The following PDE1C variants were observed in gnomAD, a reference collection of about 807,000 sequenced individuals.
PDE1C encodes dual specificity calcium/calmodulin-dependent 3',5'-cyclic nucleotide phosphodiesterase 1C.
In PDE1C, 62 loss-of-function variants were observed where a neutral mutation model predicts 93.1. The observed-to-expected ratio is 0.67, with a 90% CI of 0.54 to 0.82. The LOEUF (loss-of-function observed/expected upper bound fraction) is 0.82, where lower values mean the gene tolerates loss of function less well. PDE1C is among the 40% of genes least tolerant of loss of function. The pLI, the probability that PDE1C is intolerant of heterozygous loss-of-function variation, is 0.00. For missense variants in PDE1C, 742 were observed against 884.6 expected (o/e 0.84, Z 2.04); for synonymous variants, 325 against 310.1 (o/e 1.05, Z -0.50).
intron 7 of PDE1C, among the ~76,000 whole-genome samples, chr7:31,862,605 G>A (rs574552041): frequency 6.6e-6 from 1 of 152,276 alleles, no homozygotes; most frequent in African/African-American, 2.4e-5. Context: ...AAGAGGGAAG[G>A]GAACTCATTT....
Position 31,873,151 on chromosome 7 carries a change from A to G in PDE1C, c.609+141T>C, listed in dbSNP as rs1265060119. ...CACCCTCCACAGAGGAATTCACAGC[A>G]GTGGCTATCCGAAGGATGCTTCCTC... is the stretch of plus-strand genomic sequence containing the variant. On this transcript the variant is annotated intron_variant, in intron 6 of 17. Transcript: ENST00000396191. 8.3e-6 allele frequency: 5 copies of G among 599,330 alleles called. No homozygotes were observed. In the Admixed American group the frequency reaches 1.6e-4, roughly 19 times the overall value. The allele number at this position is 599,330 out of a possible 1,614,324, so 37.1% of individuals were successfully genotyped here.
chr7:32,068,474 T>A (rs539799618), intron 1 of PDE1C, among the ~76,000 whole-genome samples: 10 of 152,318 alleles, frequency 6.6e-5, no homozygotes, highest in African/African-American at 2.4e-4. Context: ...TAATAGCATC[T>A]CCTTTTCAAA....
At chr7:32,371,643 A>C (rs1390089876) in intron 1 of PDE1C, among the ~76,000 whole-genome samples, 1 of 152,264 alleles carries the variant, frequency 6.6e-6, no homozygotes, top group Non-Finnish European at 1.5e-5. Context: ...CAAAATACTT[A>C]CAAATACATT....
In PDE1C at chr7:32,366,629, T is replaced by C. The variant is rs145875004; in HGVS notation, c.310+61193A>G. ...CTCTCTGAGTGATATGGTGCTCCAA[T>C]TGTCAAAATTCAAACAAAGAATTTT... On this transcript the variant is annotated intron_variant, in intron 1 of 1. Coordinates refer to the PDE1C transcript ENST00000672256. 5.4e-3 allele frequency among the ~76,000 whole-genome samples: 815 copies of C among 152,202 alleles called. 12 individuals carry two copies. The highest frequency in any genetic ancestry group is 0.019 in the African/African-American group (773 of 41,500).
At chr7:31,949,914 T>G (rs984084565) in intron 2 of PDE1C, among the ~76,000 whole-genome samples, 2 of 152,318 alleles carry the variant, frequency 1.3e-5, no homozygotes, top group South Asian at 2.1e-4. Context: ...TAGATTTTCT[T>G]TTTTTCTGAT....
In PDE1C at chr7:31,818,070, G is replaced by C. The variant is rs117383975; in HGVS notation, c.1583-1916C>G. On this transcript the variant is annotated intron_variant, in intron 14 of 17. Coordinates refer to ENST00000396191, the MANE Select transcript of PDE1C (RefSeq NM_001191057.4). ...ATAGGATAGTTTGAATGTTTTCCAG[G>C]TGATTTAAACATACAGAGTTGAGAA... Among the ~76,000 whole-genome samples, 1,463 of 152,202 alleles carry C rather than the reference G, an allele frequency of 9.6e-3. 12 individuals carry two copies. Among genetic ancestry groups the C allele is most frequent in the South Asian group, 0.033 (160 of 4,822 alleles).
At chr7:31,904,446 T>G (rs1346232027) in intron 2 of PDE1C, among the ~76,000 whole-genome samples, 1 of 151,660 alleles carries the variant, frequency 6.6e-6, no homozygotes, top group East Asian at 1.9e-4. Flanking sequence ...TTCTTCAGAT[T>G]CTCCTGAATG....
At chr7:32,176,153 T>A (rs1391749345) in intron 2 of PDE1C, among the ~76,000 whole-genome samples, 1 of 152,204 alleles carries the variant, frequency 6.6e-6, no homozygotes, top group Non-Finnish European at 1.5e-5. Context: ...CTTTGAGAAG[T>A]CTCTTGTAGT....
chr7:32,009,817 T>A lies in PDE1C; in HGVS notation c.128+41737A>T, dbSNP rs78096883. ...GAATCTGCCAAAAAGCTATTAGAAC[T>A]GATCAATCAGTTTAATAAGCCTTTA... On this transcript the variant is annotated intron_variant, in intron 2 of 17. Coordinates refer to ENST00000396191, the MANE Select transcript of PDE1C (RefSeq NM_001191057.4). Among the ~76,000 whole-genome samples the A allele has an allele frequency of 6.7e-3, 1,017 of 152,330 alleles. 12 individuals are homozygous for A. The highest frequency in any genetic ancestry group is 0.023 in the African/African-American group (973 of 41,580).
At chr7:31,709,334 G>A in the PDE1C span, among the ~76,000 whole-genome samples, 4 of 152,132 alleles carry the variant, frequency 2.6e-5, no homozygotes, top group Non-Finnish European at 5.9e-5. Context: ...TTGAAAATGA[G>A]GATAATAATT....
intron 1 of PDE1C, among the ~76,000 whole-genome samples, chr7:32,309,774 G>A (rs1437813998): frequency 6.6e-6 from 1 of 152,124 alleles, no homozygotes; most frequent in Non-Finnish European, 1.5e-5. Context: ...AGGAAAAACT[G>A]GTACCAACCA....
intron 7 of PDE1C, among the ~76,000 whole-genome samples, chr7:31,855,162 G>A (rs181975422): frequency 1.3e-5 from 2 of 152,148 alleles, no homozygotes; most frequent in East Asian, 1.9e-4. Flanking sequence ...TCTGGTCAGG[G>A]TATCCCAAGG....
intron 2 of PDE1C, among the ~76,000 whole-genome samples, chr7:31,942,719 A>C (rs1213089926): frequency 6.6e-6 from 1 of 152,186 alleles, no homozygotes; most frequent in Non-Finnish European, 1.5e-5. Flanking sequence ...GTCTGGATTA[A>C]ATCTATCTTG....
chr7:32,079,665 A>G (rs1362939793), intron 3 of PDE1C, among the ~76,000 whole-genome samples: 1 of 152,100 alleles, frequency 6.6e-6, no homozygotes, highest in African/African-American at 2.4e-5. Flanking sequence ...CTTTCTCCAC[A>G]CGGTTTCTCC....
At chr7:32,147,272 A>AAAGAAAGAAAG (rs1800918985) in intron 3 of PDE1C, among the ~76,000 whole-genome samples, 1 of 96,610 alleles carries the variant, frequency 1.0e-5, no homozygotes, top group African/African-American at 3.8e-5. Flanking sequence ...AAGAAAGAAA[A>AAAGAAAGAAAG]AAAGAAAGAA....
chr7:32,187,197 T>G (rs531564545), intron 2 of PDE1C, among the ~76,000 whole-genome samples: 1 of 152,102 alleles, frequency 6.6e-6, no homozygotes, highest in Non-Finnish European at 1.5e-5. Context: ...TCTCACTATG[T>G]CACCCAGGCG....
chr7:31,811,902 C>G (rs937691436), intron 15 of PDE1C, among the ~76,000 whole-genome samples: 10 of 152,104 alleles, frequency 6.6e-5, no homozygotes, highest in Non-Finnish European at 1.3e-4. Flanking sequence ...ACCTTCAGCT[C>G]TAACTTGGAA....
In PDE1C at chr7:32,375,880, G is replaced by C. The variant is rs898459201; in HGVS notation, c.310+51942C>G. ...CCTTAAAATATTCACAACCAGGCCT[G>C]GTGCAGTGGCTCAACCTGTAATTCC... On this transcript the variant is annotated intron_variant, in intron 1 of 1. Coordinates refer to the PDE1C transcript ENST00000672256. Among the ~76,000 whole-genome samples, 12 of 152,240 alleles carry C rather than the reference G, an allele frequency of 7.9e-5. No individual in the cohort carries two copies. The East Asian group carries it at 2.3e-3, about 29-fold the overall frequency.
At chr7:32,362,775 TTTGC>T (rs1784159279) in intron 1 of PDE1C, among the ~76,000 whole-genome samples, 2 of 152,306 alleles carry the variant, frequency 1.3e-5, no homozygotes, top group South Asian at 4.1e-4. Context: ...TGCCTCCTGC[TTTGC>T]TGATGCAGCG....
Sources: allele counts gnomAD v4.1 joint callset (sites outside exome capture counted in the v4.1 genomes callset), GRCh38; gene constraint gnomAD v4.1.1; transcripts MANE v1.5; gene names NCBI Gene and HGNC (gene_info 2026-07-23, HGNC 2026-07-21).